The following ZNF630 variants were observed in gnomAD, a reference collection of about 807,000 sequenced individuals.
ZNF630 encodes the protein zinc finger protein 630, also known as dJ54B20.2 (novel KRAB box containing C2H2 type zinc finger protein).
In ZNF630, 5 loss-of-function variants were observed where a neutral mutation model predicts 7.2. The ratio of observed to expected loss-of-function variants is 0.70; its 90% CI spans 0.36 to 1.46. ZNF630 has a LOEUF of 1.46. Among genes scored for constraint, ZNF630 ranks in the 40% most tolerant of loss-of-function variants. The pLI, the probability that ZNF630 is intolerant of heterozygous loss-of-function variation, is 0.03. For missense variants in ZNF630, 461 were observed against 477.0 expected, an observed-to-expected ratio of 0.97 and a Z score of 0.31; for synonymous variants, 158 against 162.8, an observed-to-expected ratio of 0.97 and a Z score of 0.23.
chrX:48,069,691 C>G (rs925110464), intron 1 of ZNF630, among the ~76,000 whole-genome samples: 1 of 110,820 alleles, frequency 9.0e-6, no homozygotes, highest in Non-Finnish European at 1.9e-5. Flanking sequence ...TAAGATCACA[C>G]TGCCAGTGAT....
chrX:48,061,488 A>G (rs1249183524), intron 2 of ZNF630, among the ~76,000 whole-genome samples: 1 of 111,883 alleles, frequency 8.9e-6, no homozygotes, highest in African/African-American at 3.3e-5. Flanking sequence ...AACAGATAGG[A>G]TGGACAAAGA....
chrX:48,067,363 T>C (rs782424708), intron 1 of ZNF630, among the ~76,000 whole-genome samples: 1 of 112,493 alleles, frequency 8.9e-6, no homozygotes, highest in South Asian at 3.7e-4. Context: ...AATTTAACCA[T>C]TGATTATCTG....
At position 48,058,606 on chromosome X, in the gene ZNF630, T is replaced by C. The variant is rs782399752; in HGVS notation, c.1836A>G (p.Ser612=). ...AESGMTFFWK[S]QMITYQRRHT... ...GTCTTCTCTGATATGTAATCATCTG[T>C]GATTTCCAGAAAAAAGTCATTCCAG... The change falls in exon 5 of 5, where the codon TCA becomes TCG. Residue 612 remains serine (S), a synonymous_variant. Transcript: ENST00000276054. 5.8e-6 allele frequency: 7 copies of C among 1,207,507 alleles called. No individual in the cohort carries two copies. In the Admixed American group the frequency reaches 1.5e-4, roughly 26 times the overall value.
At chrX:48,062,973 A>AGAGAGAGG (rs1556909473) in intron 2 of ZNF630, among the ~76,000 whole-genome samples, 26 of 55,690 alleles carry the variant, frequency 4.7e-4, no homozygotes, top group Non-Finnish European at 6.9e-4. Flanking sequence ...AGAGAGAGAG[A>AGAGAGAGG]GAGGGAGGGA....
intron 1 of ZNF630, among the ~76,000 whole-genome samples, chrX:48,069,125 T>C (rs502100): frequency 0.4 from 43,022 of 107,892 alleles, 6,560 homozygotes; most frequent in Non-Finnish European, 0.47. Context: ...CCTGTAGTCC[T>C]GGCTACTTGG....
At chrX:48,066,116 A>G (rs577485794) in intron 2 of ZNF630, among the ~76,000 whole-genome samples, 7 of 111,444 alleles carry the variant, frequency 6.3e-5, no homozygotes, top group African/African-American at 2.3e-4. Flanking sequence ...CATGACAATA[A>G]TGAGATCACT....
At position 48,058,221 on chromosome X, in the gene ZNF630, A is replaced by G. The variant is rs186856568; in HGVS notation, c.*247T>C. The G allele has an allele frequency of 1.4e-5, 4 of 289,870 alleles. No homozygotes were observed. In the Admixed American group the frequency reaches 2.3e-4, roughly 16 times the overall value. The allele number at this position is 289,870 out of a possible 1,213,427, so 23.9% of individuals were successfully genotyped here. On this transcript the variant is annotated 3_prime_UTR_variant, in exon 5 of 5. Transcript: ENST00000276054. ...GACCAAACAACACCAAAGTAGTGCT[A>G]ATTCTTCCAGATACATTTATTCTGT...
rs2059082630 is a variant in ZNF630 at position 48,058,717 on chromosome X, T to C, written c.1725A>G (p.Glu575=). 1.7e-6 allele frequency: 2 copies of C among 1,206,039 alleles called. No individual in the cohort carries two copies. The highest frequency in any genetic ancestry group is 3.5e-5 in the African/African-American group (2 of 56,796). Residue 575 remains glutamate (E), a synonymous_variant, in exon 5 of 5, where the codon GAA becomes GAG. Transcript: ENST00000276054. ...ACTTTCCACAGAAGGCCTTTCCACA[T>C]TCACTACATTCATAGGGTTTCTCTC... is the stretch of plus-strand genomic sequence containing the variant. The part of the protein sequence containing the change: ...HTGEKPYECS[E]CGKAFCGKSP...
chrX:48,059,978 T>C lies in ZNF630; in HGVS notation c.464A>G (p.Tyr155Cys), dbSNP rs782119689. 1.7e-6 allele frequency: 2 copies of C among 1,208,544 alleles called. No homozygotes were observed. The highest frequency in any genetic ancestry group is 3.5e-5 in the South Asian group (2 of 56,876). Reference sequence around the variant, plus strand: ...ATTGAACATTTTCCCAAATGCACTGTACTTGGAACCCATCTCATCAGTCAA... The same window carrying C: ...ATTGAACATTTTCCCAAATGCACTGCACTTGGAACCCATCTCATCAGTCAA... ...ETLTDEMGSK[Y>C]SAFGKMFNRC... The change falls in exon 5 of 5, where the codon TAC (tyrosine) becomes TGC (cysteine). Residue 155 changes from tyrosine to cysteine, a missense_variant. Transcript: ENST00000276054.
rs2059080389 is a variant in ZNF630 at position 48,058,503 on chromosome X, T to A, written c.1939A>T (p.Asn647Tyr). Residue 647 changes from asparagine (N) to tyrosine (Y), a missense_variant, in exon 5 of 5, where the codon AAT becomes TAT. By Grantham distance (143) the Asn-to-Tyr change is moderately radical (BLOSUM62 -2). Coordinates refer to ENST00000276054, the MANE Select transcript of ZNF630 (RefSeq NM_001282201.2). Reference protein sequence around the residue: ...CQHVYFTGHQNPYRKDTLYIC With the variant: ...CQHVYFTGHQYPYRKDTLYIC ...TACAAGGTGTCTTTCCTATATGGAT[T>A]CTGATGCCCAGTAAAGTATACATGC... 1 of 1,194,451 alleles carries A rather than the reference T, an allele frequency of 8.4e-7. No homozygotes were observed. The highest frequency in any genetic ancestry group is 2.3e-5 in the Admixed American group (1 of 43,314).
In ZNF630 at chrX:48,059,139, C is replaced by T. The variant is rs2059086938; in HGVS notation, c.1303G>A (p.Glu435Lys). Residue 435 changes from glutamate (E) to lysine (K), a missense_variant, in exon 5 of 5, where the codon GAA (glutamate) becomes AAA (lysine). By Grantham distance (56) the Glu-to-Lys change is moderately conservative. Coordinates refer to ENST00000276054, the MANE Select transcript of ZNF630 (RefSeq NM_001282201.2). ...HTGEKPYKCG[E>K]CGKTFCQQSH... ...TGTTGGCAGAAAGTTTTCCCACATT[C>T]ACCACACTTATAGGGCTTCTCTCCA... 1.7e-6 allele frequency: 2 copies of T among 1,208,573 alleles called. No individual in the cohort carries two copies. Among genetic ancestry groups the T allele is most frequent in the Middle Eastern group, 4.6e-4 (2 of 4,346 alleles).
rs2059077426 is a variant in ZNF630, at chrX:48,057,934, T to C, written c.*534A>G. 9.1e-6 allele frequency among the ~76,000 whole-genome samples: 1 copy of C among 109,979 alleles called. No homozygotes were observed. Among genetic ancestry groups the C allele is most frequent in the South Asian group, 3.9e-4 (1 of 2,580 alleles). The stretch of plus-strand genomic sequence containing the variant: ...AGCCGGGCCTGGTGGTGCATGCCTA[T>C]AATCCCAGCTACTCGAGAGGGCGAG... On this transcript the variant is annotated 3_prime_UTR_variant, in exon 5 of 5. Transcript: ENST00000276054.
chrX:48,067,855 A>G (rs1360854749), intron 1 of ZNF630, among the ~76,000 whole-genome samples: 1 of 110,672 alleles, frequency 9.0e-6, no homozygotes, highest in African/African-American at 3.3e-5. Context: ...TGAGCCCAGG[A>G]GTTCGAGACC....
intron 1 of ZNF630, among the ~76,000 whole-genome samples, chrX:48,068,908 A>G (rs2146512421): frequency 8.9e-6 from 1 of 111,891 alleles, no homozygotes; most frequent in Admixed American, 9.5e-5. Flanking sequence ...AAAATGAAGA[A>G]GAGGCAGAAC....
At chrX:48,065,109 A>G (rs1237513972) in intron 2 of ZNF630, among the ~76,000 whole-genome samples, 19 of 112,299 alleles carry the variant, frequency 1.7e-4, no homozygotes, top group African/African-American at 6.2e-4. Context: ...TCTGAATGGT[A>G]GTATATCTTT....
intron 1 of ZNF630, among the ~76,000 whole-genome samples, chrX:48,067,918 A>T (rs782698858): frequency 9.1e-6 from 1 of 110,434 alleles, no homozygotes; most frequent in African/African-American, 3.3e-5. Context: ...AAAATTAGCC[A>T]GGCGTAGTGG....
rs1460128767 is a variant in ZNF630, at chrX:48,058,790, G to GCCCT, written c.1648_1651dup (p.Ala551GlufsTer23). On this transcript the variant is annotated frameshift_variant, in exon 5 of 5. Coordinates refer to ENST00000276054, the MANE Select transcript of ZNF630 (RefSeq NM_001282201.2). LOFTEE classifies it low-confidence loss of function (END_TRUNC). ...AATGAGATGTGACTTCAGGGAAAAG[G>GCCCT]CCCTCCCACACTCAGTACACTCATA... 4 of 1,203,449 alleles carry GCCCT rather than the reference G, an allele frequency of 3.3e-6. No individual in the cohort carries two copies. The highest frequency in any genetic ancestry group is 4.5e-6 in the Non-Finnish European group (4 of 891,170).
Position 48,067,064 on chromosome X carries a change from A to G in ZNF630, c.-175-3T>C. On this transcript the variant is annotated splice_polypyrimidine_tract_variant and splice_region_variant and intron_variant, in intron 1 of 4. Coordinates refer to ENST00000276054, the MANE Select transcript of ZNF630 (RefSeq NM_001282201.2). ...AATTCCATTTCCGGAACTTCGTCCT[A>G]AGGTAATAATCATGGATATGTGCAG... The G allele has an allele frequency of 2.0e-6, 1 of 498,490 alleles. No individual in the cohort carries two copies. Among genetic ancestry groups the G allele is most frequent in the Non-Finnish European group, 3.4e-6 (1 of 293,577 alleles). 41.1% of individuals were successfully genotyped at this position (498,490 alleles called of 1,213,427 possible). A position where few individuals can be genotyped will look rare whatever the true frequency, so the allele number is the denominator to read the frequency against.
Position 48,058,721 on chromosome X carries a change from C to T in ZNF630, c.1721G>A (p.Ser574Asn). 8.3e-7 allele frequency: 1 copy of T among 1,207,733 alleles called. No homozygotes were observed. The highest frequency in any genetic ancestry group is 1.1e-6 in the Non-Finnish European group (1 of 892,835). Residue 574 changes from serine (S) to asparagine (N), a missense_variant, in exon 5 of 5, where the codon AGT becomes AAT. Coordinates refer to ENST00000276054, the MANE Select transcript of ZNF630 (RefSeq NM_001282201.2). ...GHTGEKPYEC[S>N]ECGKAFCGKS... ...TCCACAGAAGGCCTTTCCACATTCA[C>T]TACATTCATAGGGTTTCTCTCCAGT... is the stretch of plus-strand genomic sequence containing the variant.
Sources: allele counts gnomAD v4.1 joint callset (sites outside exome capture counted in the v4.1 genomes callset), GRCh38; gene constraint gnomAD v4.1.1; transcripts MANE v1.5; gene names NCBI Gene and HGNC (gene_info 2026-07-23, HGNC 2026-07-21).